RASSF3: variants seen among roughly 807,000 people sequenced by gnomAD.
The protein encoded by RASSF3 is Ras association domain family member 3.
RASSF3 carries 19 observed loss-of-function variants against 19.9 expected under a neutral mutation model. The ratio of observed to expected loss-of-function variants is 0.96; its 90% confidence interval spans 0.67 to 1.40. The LOEUF (loss-of-function observed/expected upper bound fraction) is 1.40, where lower values mean the gene tolerates loss of function less well. RASSF3 is among the 40% of genes most tolerant of loss of function. The probability of loss-of-function intolerance (pLI) is 0.00; values close to 1 mark genes in which losing one functional copy is unlikely to be tolerated. For synonymous variants in RASSF3, 110 were observed against 104.2 expected (o/e 1.06, Z -0.34); for missense variants, 306 against 289.8 (o/e 1.06, Z -0.41).
chr12:64,672,709 C>G (rs796895376), intron 1 of RASSF3, among the ~76,000 whole-genome samples: 2 of 152,160 alleles, frequency 1.3e-5, no homozygotes, highest in African/African-American at 4.8e-5. Context: ...GGTGGGGAGG[C>G]TCTTGCTGTG....
chr12:64,518,540 AAG>A lies in RASSF3; in HGVS notation c.169+11212_169+11213del, dbSNP rs367829670. Among the ~76,000 whole-genome samples, 145 of 152,350 alleles carry A rather than the reference AAG, an allele frequency of 9.5e-4. 1 individual carries two copies. Among genetic ancestry groups the A allele is most frequent in the African/African-American group, 3.4e-3 (141 of 41,580 alleles). On this transcript the variant is annotated intron_variant, in intron 1 of 5. Transcript: ENST00000637125. ...CACTTATTACCGCAAGGATGGCACC[AAG>A]CCATGCATGAGGGATCCATCCCCAC...
intron 1 of RASSF3, among the ~76,000 whole-genome samples, chr12:64,623,821 A>AT (rs1397812985): frequency 6.6e-6 from 1 of 151,218 alleles, no homozygotes; most frequent in African/African-American, 2.4e-5. Context: ...TTTTATTTTT[A>AT]TTTTTTTAGT....
At chr12:64,514,006 A>C (rs980366768) in intron 1 of RASSF3, among the ~76,000 whole-genome samples, 5 of 148,596 alleles carry the variant, frequency 3.4e-5, no homozygotes, top group African/African-American at 1.2e-4. Context: ...CATCCTCCTG[A>C]GTAGCTGGGA....
chr12:64,555,256 G>C (rs778440682), intron 2 of RASSF3, among the ~76,000 whole-genome samples: 2 of 151,658 alleles, frequency 1.3e-5, no homozygotes, highest in Non-Finnish European at 2.9e-5. Context: ...AAAAAAATTT[G>C]ATTCTAGAAA....
chr12:64,524,624 A>AG (rs1316631259), intron 1 of RASSF3, among the ~76,000 whole-genome samples: 1 of 152,186 alleles, frequency 6.6e-6, no homozygotes, highest in East Asian at 1.9e-4. Context: ...GATCTAAAAA[A>AG]AGGGGGCCCA....
chr12:64,675,644 C>T (rs1487063256), intron 1 of RASSF3, among the ~76,000 whole-genome samples: 2 of 152,098 alleles, frequency 1.3e-5, no homozygotes, highest in East Asian at 3.9e-4. Flanking sequence ...GTGCCTTGCC[C>T]TTGTTCATTC....
intron 2 of RASSF3, among the ~76,000 whole-genome samples, chr12:64,583,203 G>A (rs954046291): frequency 1.3e-5 from 2 of 152,142 alleles, no homozygotes; most frequent in African/African-American, 4.8e-5. Flanking sequence ...TCTACCCTCT[G>A]AGGCAGTTAA....
At chr12:64,667,554 C>T (rs1872569267) in intron 1 of RASSF3, among the ~76,000 whole-genome samples, 2 of 152,190 alleles carry the variant, frequency 1.3e-5, no homozygotes, top group South Asian at 4.1e-4. Context: ...TCTAAATGAA[C>T]AGAAGTTCTG....
chr12:64,580,012 A>T (rs1869664620), intron 2 of RASSF3, among the ~76,000 whole-genome samples: 1 of 151,668 alleles, frequency 6.6e-6, no homozygotes, highest in Non-Finnish European at 1.5e-5. Flanking sequence ...ATGGGGTTTC[A>T]CCACGTTGGC....
chr12:64,628,046 A>G (rs1871051484), intron 1 of RASSF3, among the ~76,000 whole-genome samples: 1 of 152,190 alleles, frequency 6.6e-6, no homozygotes, highest in Admixed American at 6.5e-5. Flanking sequence ...AACCCAAGTG[A>G]GTTGAGTCAT....
chr12:64,660,750 T>G (rs746819895), intron 1 of RASSF3, among the ~76,000 whole-genome samples: 9 of 152,192 alleles, frequency 5.9e-5, no homozygotes, highest in Non-Finnish European at 7.3e-5. Flanking sequence ...AAAAATTTCT[T>G]TCAGGATGAC....
chr12:64,618,076 G>C (rs776360207), intron 1 of RASSF3, among the ~76,000 whole-genome samples: 2 of 152,068 alleles, frequency 1.3e-5, no homozygotes, highest in Non-Finnish European at 2.9e-5. Context: ...ATCAAATTTG[G>C]TTTATTTTCC....
At chr12:64,627,692 A>G (rs1242449733) in intron 1 of RASSF3, among the ~76,000 whole-genome samples, 1 of 152,212 alleles carries the variant, frequency 6.6e-6, no homozygotes, top group East Asian at 1.9e-4. Flanking sequence ...CAGAGGGAGT[A>G]ATAATAAAAC....
Position 64,688,401 on chromosome 12 carries a change from TGA to T in RASSF3, c.409_410del (p.Ser137ProfsTer8), listed in dbSNP as rs1873444564. 1.9e-6 allele frequency: 3 copies of T among 1,614,194 alleles called. No homozygotes were observed. Among genetic ancestry groups the T allele is most frequent in the Non-Finnish European group, 2.5e-6 (3 of 1,180,022 alleles). ...EALLKKFLVT[E>X]SPAKFALYKR... ...CCCTGCTCAAAAAGTTTCTCGTGACTGAGAGCCCTGCCAAGTTTGCACTTTAT... is the reference window on the plus strand; with the variant it reads ...CCCTGCTCAAAAAGTTTCTCGTGACTGAGCCCTGCCAAGTTTGCACTTTAT... On this transcript the variant is annotated frameshift_variant, in exon 3 of 5. Coordinates refer to ENST00000542104, the MANE Select transcript of RASSF3 (RefSeq NM_178169.4). LOFTEE classifies it high-confidence loss of function.
At chr12:64,669,798 A>T (rs977314463) in intron 1 of RASSF3, among the ~76,000 whole-genome samples, 2 of 150,358 alleles carry the variant, frequency 1.3e-5, no homozygotes, top group African/African-American at 4.9e-5. Flanking sequence ...CAAGCCACTG[A>T]GGAGGAAAAG....
chr12:64,650,397 CTTT>C (rs869302594), intron 1 of RASSF3, among the ~76,000 whole-genome samples: 3 of 101,982 alleles, frequency 2.9e-5, no homozygotes, highest in Non-Finnish European at 2.1e-5. Flanking sequence ...GGAGGTGTTT[CTTT>C]TTTTTTCCTT....
At chr12:64,581,789 CT>C (rs11364944) in intron 2 of RASSF3, among the ~76,000 whole-genome samples, 73,535 of 143,212 alleles carry the variant, frequency 0.51, 19,918 homozygotes, top group Non-Finnish European at 0.56. Context: ...AGAGATTGAC[CT>C]TTTTTTTTTG....
At chr12:64,640,372 C>A (rs1016469381) in intron 1 of RASSF3, among the ~76,000 whole-genome samples, 3 of 152,188 alleles carry the variant, frequency 2.0e-5, no homozygotes, top group African/African-American at 7.2e-5. Flanking sequence ...GTATCATTAA[C>A]TATAGGCATT....
Position 64,513,871 on chromosome 12 carries a change from T to TTTTG in RASSF3, c.169+6562_169+6565dup, listed in dbSNP as rs138001511. On this transcript the variant is annotated intron_variant, in intron 1 of 5. Coordinates refer to the RASSF3 transcript ENST00000637125. ...TTTGGAAGAAGGGTGGAATTTAAGG[T>TTTTG]TTTGTTTGTTTGTTTGTTTGTTTTT... Among the ~76,000 whole-genome samples the TTTTG allele has an allele frequency of 6.8e-3, 1,035 of 151,620 alleles. 8 individuals are homozygous for TTTTG. Among genetic ancestry groups the TTTTG allele is most frequent in the African/African-American group, 0.024 (981 of 41,332 alleles).
Sources: gnomAD v4.1 joint callset for allele counts (sites outside exome capture counted in the v4.1 genomes callset) on GRCh38, gnomAD v4.1.1 for gene constraint, MANE v1.5 for transcripts, NCBI Gene and HGNC (gene_info 2026-07-23, HGNC 2026-07-21) for gene names.